Variants in SART3 observed in about 807,000 individuals in gnomAD.
SART3 encodes the protein spliceosome associated factor 3, U4/U6 recycling protein.
In SART3, 44 loss-of-function variants were observed where a neutral mutation model predicts 122.3. The ratio of observed to expected loss-of-function variants is 0.36; its 90% confidence interval spans 0.28 to 0.46. SART3 has a LOEUF of 0.46. SART3 is among the 20% of genes least tolerant of loss of function. SART3 has a pLI of 1.00. For synonymous variants in SART3, 442 were observed against 454.0 expected (o/e 0.97, Z 0.34); for missense variants, 1,101 against 1,229.0 (o/e 0.90, Z 1.56).
chr12:108,526,098 C>T lies in SART3; in HGVS notation c.2370+1G>A, dbSNP rs1444427993. 2 of 1,613,204 alleles carry T rather than the reference C, an allele frequency of 1.2e-6. No individual in the cohort carries two copies. Among genetic ancestry groups the T allele is most frequent in the Admixed American group, 3.3e-5 (2 of 60,012 alleles). On this transcript the variant is annotated splice_donor_variant, in intron 16 of 18. Coordinates refer to ENST00000546815, the MANE Select transcript of SART3 (RefSeq NM_014706.4). LOFTEE classifies it high-confidence loss of function. ...GGCATTCTTTTTTTCCATAAACCTACCTTAAAATCGGGGTTTTTGCTCTTA... is the reference window on the plus strand; with the variant it reads ...GGCATTCTTTTTTTCCATAAACCTATCTTAAAATCGGGGTTTTTGCTCTTA...
chr12:108,535,786 T>TA (rs34651226), intron 11 of SART3, among the ~76,000 whole-genome samples: 58,757 of 143,030 alleles, frequency 0.41, 12,608 homozygotes, highest in Middle Eastern at 0.54. Context: ...GAGACAATGT[T>TA]AAAAAAAAAA....
At position 108,530,194 on chromosome 12, in the gene SART3, C is replaced by A. The variant is rs2287546; in HGVS notation, c.1863G>T (p.Glu621Asp). 4.0e-4 allele frequency: 641 copies of A among 1,614,220 alleles called. 9 individuals are homozygous for A. The East Asian group carries it at 0.014, about 36-fold the overall frequency. ...CATCATCCTCATCTGCTCCGCGCTTCTCTGGGCCTCTGATCTTTTTCTTCT... is the reference window on the plus strand; with the variant it reads ...CATCATCCTCATCTGCTCCGCGCTTATCTGGGCCTCTGATCTTTTTCTTCT... ...LKKKKKIRGP[E>D]KRGADEDDEK... Residue 621 changes from glutamate (E) to aspartate (D), a missense_variant, in exon 15 of 19, where the codon GAG becomes GAT. Coordinates refer to ENST00000546815, the MANE Select transcript of SART3 (RefSeq NM_014706.4).
At chr12:108,544,646 A>G in intron 4 of SART3, 168 bp from the exon 5 acceptor site, 1 of 869,824 alleles carries the variant, frequency 1.1e-6, no homozygotes, top group Non-Finnish European at 1.9e-6. Flanking sequence ...AACTCACTAC[A>G]GCCTCACACT....
Position 108,561,097 on chromosome 12 carries a change from G to A in SART3, c.58C>T (p.Pro20Ser), listed in dbSNP as rs79057601. ...SEPEAESKAG[P>S]KADGEEDEVK... ...TCATCCTCCTCTCCGTCAGCCTTGGGCCCAGCCTTGGACTCAGCCTCGGGT... is the reference window on the plus strand; with the variant it reads ...TCATCCTCCTCTCCGTCAGCCTTGGACCCAGCCTTGGACTCAGCCTCGGGT... The change falls in exon 1 of 19, where the codon CCC (proline) becomes TCC (serine). Residue 20 changes from proline (P) to serine (S), a missense_variant. Pro to Ser is a moderately conservative substitution (Grantham distance 74). Transcript: ENST00000546815. 4 of 1,614,080 alleles carry A rather than the reference G, an allele frequency of 2.5e-6. No individual in the cohort carries two copies. Among genetic ancestry groups the A allele is most frequent in the East Asian group, 2.2e-5 (1 of 44,868 alleles).
At chr12:108,555,295 A>G (rs2030168963) in intron 1 of SART3, among the ~76,000 whole-genome samples, 1 of 152,268 alleles carries the variant, frequency 6.6e-6, no homozygotes, top group Non-Finnish European at 1.5e-5. Flanking sequence ...CAAGCACTAT[A>G]AAGTACCTAG....
In SART3 at chr12:108,530,285, A is replaced by T; in HGVS notation, c.1772T>A (p.Val591Glu). 1.9e-6 allele frequency: 3 copies of T among 1,613,950 alleles called. No homozygotes were observed. The highest frequency in any genetic ancestry group is 2.5e-6 in the Non-Finnish European group (3 of 1,180,028). Residue 591 changes from valine to glutamate, a missense_variant, in exon 15 of 19, where the codon GTG becomes GAG. Physicochemically the swap from Val to Glu is moderately radical, Grantham distance 121. Transcript: ENST00000546815. ...MKAAEKEAAL[V>E]QQEEEKAEQR... ...TTCAGCCTTTTCTTCTTCTTGCTGC[A>T]CAAGGGCTGCTTCCTTCTCTGCAGC... is the stretch of plus-strand genomic sequence containing the variant.
intron 6 of SART3, among the ~76,000 whole-genome samples, chr12:108,540,624 G>A (rs535852762): frequency 1.7e-4 from 23 of 135,754 alleles, no homozygotes; most frequent in Admixed American, 1.7e-3. Context: ...TTCTAAATCC[G>A]ATGGAAGCAT....
At chr12:108,555,599 A>C (rs746783228) in intron 1 of SART3, among the ~76,000 whole-genome samples, 10 of 152,224 alleles carry the variant, frequency 6.6e-5, no homozygotes, top group Non-Finnish European at 1.0e-4. Context: ...CAGCAGGCGG[A>C]GGTTGCAGTG....
At position 108,524,325 on chromosome 12, in the gene SART3, G is replaced by A; in HGVS notation, c.2705C>T (p.Thr902Ile). 1 of 1,613,896 alleles carries A rather than the reference G, an allele frequency of 6.2e-7. No individual in the cohort carries two copies. Among genetic ancestry groups the A allele is most frequent in the African/African-American group, 1.3e-5 (1 of 75,058 alleles). Residue 902 changes from threonine to isoleucine, a missense_variant, in exon 18 of 19, where the codon ACA becomes ATA. Physicochemically the swap from Thr to Ile is moderately conservative, Grantham distance 89. Coordinates refer to ENST00000546815, the MANE Select transcript of SART3 (RefSeq NM_014706.4). Reference protein sequence around the residue: ...APGGPMLLPQTYGARGKGRTQ... With the variant: ...APGGPMLLPQIYGARGKGRTQ... The stretch of plus-strand genomic sequence containing the variant: ...CCATGCAAGCACTTACGCTCCGTAT[G>A]TCTGCGGCAAAAGCATGGGGCCACC...
intron 1 of SART3, among the ~76,000 whole-genome samples, chr12:108,552,038 T>G (rs1318934663): frequency 6.6e-6 from 1 of 152,188 alleles, no homozygotes; most frequent in Non-Finnish European, 1.5e-5. Flanking sequence ...TTTGCAAGGC[T>G]AATTCAACAT....
intron 6 of SART3, among the ~76,000 whole-genome samples, chr12:108,540,339 A>G (rs1164657418): frequency 6.6e-6 from 1 of 152,214 alleles, no homozygotes; most frequent in African/African-American, 2.4e-5. Flanking sequence ...CTAAGAAAAT[A>G]ATTTTCAAGA....
At chr12:108,558,863 C>G (rs377069609) in intron 1 of SART3, among the ~76,000 whole-genome samples, 2 of 152,022 alleles carry the variant, frequency 1.3e-5, no homozygotes, top group East Asian at 1.9e-4. Flanking sequence ...GAAACCCCAT[C>G]TCTACTAAAA....
chr12:108,544,441 G>A lies in SART3; in HGVS notation c.767C>T (p.Ala256Val), dbSNP rs774883843. The A allele has an allele frequency of 9.3e-6, 15 of 1,614,022 alleles. No individual in the cohort carries two copies. The highest frequency in any genetic ancestry group is 8.8e-5 in the South Asian group (8 of 91,068). Residue 256 changes from alanine (A) to valine (V), a missense_variant, in exon 5 of 19, where the codon GCG becomes GTG. Transcript: ENST00000546815. ...GTTTCTCTTACCATAGAGTGGGATC[G>A]CCAACTGTCGCCGGAAAAGACTGTG... Reference protein sequence around the residue: ...KVHSLFRRQLAIPLYDMEATF... With the variant: ...KVHSLFRRQLVIPLYDMEATF...
At chr12:108,549,283 G>T in intron 1 of SART3, 69 bp from the exon 2 acceptor site, 2 of 1,528,596 alleles carry the variant, frequency 1.3e-6, no homozygotes, top group Non-Finnish European at 9.0e-7. Context: ...TGTCACTACT[G>T]GTAACTACAC....
intron 1 of SART3, among the ~76,000 whole-genome samples, chr12:108,553,691 T>C (rs1453626467): frequency 3.9e-5 from 6 of 152,234 alleles, no homozygotes; most frequent in Non-Finnish European, 8.8e-5. Flanking sequence ...ACTTGAACTT[T>C]AGGATAAAAA....
In SART3 at chr12:108,526,141, A is replaced by C; in HGVS notation, c.2328T>G (p.Phe776Leu). 6.2e-7 allele frequency: 1 copy of C among 1,614,242 alleles called. No individual in the cohort carries two copies. Among genetic ancestry groups the C allele is most frequent in the Non-Finnish European group, 8.5e-7 (1 of 1,180,036 alleles). ...TGCTCTTATCCACACAGGGGGAAAC[A>C]AACATTGGCCTCCCTTCTACACTTT... The part of the protein sequence containing the change: ...DRKSVEGRPM[F>L]VSPCVDKSKN... The change falls in exon 16 of 19, where the codon TTT (phenylalanine) becomes TTG (leucine). Residue 776 changes from phenylalanine to leucine, a missense_variant. By Grantham distance (22) the Phe-to-Leu change is conservative. Transcript: ENST00000546815.
At chr12:108,555,507 C>T (rs4964723) in intron 1 of SART3, among the ~76,000 whole-genome samples, 130,315 of 151,870 alleles carry the variant, frequency 0.86, 56,002 homozygotes, top group East Asian at 0.94. Context: ...TCTACAAAAA[C>T]TGTAAAAATT....
intron 11 of SART3, 150 bp from the exon 12 acceptor site, chr12:108,535,618 T>G (rs930299489): frequency 6.9e-6 from 5 of 724,452 alleles, no homozygotes; most frequent in Non-Finnish European, 1.3e-5. Context: ...CTCCCTCCAG[T>G]GGTAAACGAC....
At chr12:108,552,398 T>G (rs1003251962) in intron 1 of SART3, among the ~76,000 whole-genome samples, 2 of 151,480 alleles carry the variant, frequency 1.3e-5, no homozygotes, top group African/African-American at 2.4e-5. Flanking sequence ...AAATAAAAGC[T>G]ATACAGCTCG....
Sources: gnomAD v4.1 joint callset for allele counts (sites outside exome capture counted in the v4.1 genomes callset) on GRCh38, gnomAD v4.1.1 for gene constraint, MANE v1.5 for transcripts, NCBI Gene and HGNC (gene_info 2026-07-23, HGNC 2026-07-21) for gene names.